The following ANKRD28 variants were observed in gnomAD, a reference collection of about 807,000 sequenced individuals.
ANKRD28 encodes the protein ankyrin repeat domain 28, also known as serine/threonine-protein phosphatase 6 regulatory ankyrin repeat subunit A.
ANKRD28 carries 44 observed loss-of-function variants against 126.5 expected under a neutral mutation model. The observed-to-expected ratio is 0.35, with a 90% CI of 0.27 to 0.45. ANKRD28 has a LOEUF of 0.45. Ranked by LOEUF, ANKRD28 falls within the 20% of genes least tolerant of loss-of-function variation. ANKRD28 has a pLI of 1.00. For missense variants in ANKRD28, 1,110 were observed against 1,316.6 expected, an observed-to-expected ratio of 0.84 and a Z score of 2.43; for synonymous variants, 442 against 468.5, an observed-to-expected ratio of 0.94 and a Z score of 0.73.
chr3:15,714,550 C>CA (rs1250831412), intron 9 of ANKRD28, 28 bp downstream of exon 9: 4 of 1,477,850 alleles, frequency 2.7e-6, no homozygotes, highest in South Asian at 1.3e-5. Flanking sequence ...AAAAAAAACC[C>CA]CAAAAAAAAA....
Position 15,749,095 on chromosome 3 carries a change from G to GTTTTTTTTTTTTTTT in ANKRD28, c.351+2654_351+2655insAAAAAAAAAAAAAAA, listed in dbSNP as rs1357402514. ...ATTTTCCTTTCATATTCTATATTATGTTTTTGTTTTTTTTTTTTTTTTTTT... is the reference window on the plus strand; with the variant it reads ...ATTTTCCTTTCATATTCTATATTATGTTTTTTTTTTTTTTTTTTTTGTTTTTTTTTTTTTTTTTTT... On this transcript the variant is annotated intron_variant, in intron 4 of 27. Transcript: ENST00000683139. Among the ~76,000 whole-genome samples the GTTTTTTTTTTTTTTT allele has an allele frequency of 5.1e-4, 55 of 106,990 alleles. 12 individuals carry two copies. Among genetic ancestry groups the GTTTTTTTTTTTTTTT allele is most frequent in the East Asian group, 4.3e-3 (13 of 3,032 alleles). The allele number at this position is 106,990 out of a possible 152,430, so 70.2% of individuals were successfully genotyped here. A position where few individuals can be genotyped will look rare whatever the true frequency, so the allele number is the denominator to read the frequency against.
intron 21 of ANKRD28, among the ~76,000 whole-genome samples, chr3:15,682,615 T>C (rs1320863230): frequency 1.3e-5 from 2 of 152,224 alleles, no homozygotes; most frequent in Non-Finnish European, 2.9e-5. Flanking sequence ...ACTTTTAGTA[T>C]CTACAGCCAG....
At chr3:15,787,920 T>C (rs1035838889) in intron 2 of ANKRD28, among the ~76,000 whole-genome samples, 3 of 152,200 alleles carry the variant, frequency 2.0e-5, no homozygotes, top group Non-Finnish European at 2.9e-5. Flanking sequence ...TTTTGAATAA[T>C]AAAGTATATC....
intron 7 of ANKRD28, 96 bp downstream of exon 7, chr3:15,724,286 T>A: frequency 9.4e-7 from 1 of 1,067,902 alleles, no homozygotes; most frequent in Non-Finnish European, 1.3e-6. Context: ...AAACATTGTA[T>A]AAAATAATTT....
rs1238069051 is a variant in ANKRD28, at chr3:15,850,190, T to TAAAAAAA, written c.27+9180_27+9186dup. On this transcript the variant is annotated intron_variant, in intron 1 of 27. Transcript: ENST00000399451. ...GGGACAACTGGGTATCTACATGCAA[T>TAAAAAAA]AAAAAAAAAAAAAAATATATATATA... is the stretch of plus-strand genomic sequence containing the variant. Among the ~76,000 whole-genome samples, 43 of 31,924 alleles carry TAAAAAAA rather than the reference T, an allele frequency of 1.3e-3. 2 individuals carry two copies. The highest frequency in any genetic ancestry group is 3.7e-3 in the African/African-American group (41 of 11,090). The allele number at this position is 31,924 out of a possible 152,430, so 20.9% of individuals were successfully genotyped here.
At chr3:15,732,301 C>T (rs1006054466) in intron 6 of ANKRD28, 9 of 152,286 alleles carry the variant, frequency 5.9e-5, no homozygotes, top group Non-Finnish European at 1.2e-4. Context: ...CTGCAGAACA[C>T]AGTTGGGATG....
At chr3:15,766,171 G>A in intron 3 of ANKRD28, 63 bp downstream of exon 3, 2 of 1,296,640 alleles carry the variant, frequency 1.5e-6, no homozygotes, top group Admixed American at 2.1e-5. Context: ...AATTATGATT[G>A]AGAAACATTA....
At chr3:15,730,079 A>C (rs1332942612) in intron 6 of ANKRD28, among the ~76,000 whole-genome samples, 1 of 151,550 alleles carries the variant, frequency 6.6e-6, no homozygotes, top group African/African-American at 2.4e-5. Flanking sequence ...CTGGTCTTCA[A>C]CTCCTGGGCT....
chr3:15,782,943 T>C (rs978642263), intron 2 of ANKRD28, among the ~76,000 whole-genome samples: 1 of 152,058 alleles, frequency 6.6e-6, no homozygotes, highest in Non-Finnish European at 1.5e-5. Flanking sequence ...TGGAAGAAAA[T>C]CCTTTTCAGT....
Position 15,720,853 on chromosome 3 carries a change from CCATTGA to C in ANKRD28, c.996+56_996+61del, listed in dbSNP as rs1448863062. ...CCTTTTTATTGCTCAATGGTATTCACCATTGATGTTGTTTTAACAGTGACATATGAA... is the reference window on the plus strand; with the variant it reads ...CCTTTTTATTGCTCAATGGTATTCACTGTTGTTTTAACAGTGACATATGAA... On this transcript the variant is annotated intron_variant, in intron 8 of 27. Coordinates refer to ENST00000683139, the MANE Select transcript of ANKRD28 (RefSeq NM_001349278.2). 9.0e-6 allele frequency: 13 copies of C among 1,438,300 alleles called. No homozygotes were observed. In the Admixed American group the frequency reaches 2.6e-4, roughly 28 times the overall value. 89.1% of individuals were successfully genotyped at this position (1,438,300 alleles called of 1,614,324 possible).
Position 15,796,392 on chromosome 3 carries a change from T to G in ANKRD28, c.117+13A>C, listed in dbSNP as rs903430110. ...AGTAGAATATAGTAAACATATAAAC[T>G]TACATATCTTACCAATACATTTCCA... On this transcript the variant is annotated intron_variant, in intron 1 of 27. Coordinates refer to ENST00000683139, the MANE Select transcript of ANKRD28 (RefSeq NM_001349278.2). 2.5e-5 allele frequency: 32 copies of G among 1,278,210 alleles called. No individual in the cohort carries two copies. Among genetic ancestry groups the G allele is most frequent in the Non-Finnish European group, 3.1e-5 (30 of 980,296 alleles). The allele number at this position is 1,278,210 out of a possible 1,614,324, so 79.2% of individuals were successfully genotyped here.
At chr3:15,709,806 G>A in intron 12 of ANKRD28, 70 bp from the exon 13 acceptor site, 1 of 1,002,002 alleles carries the variant, frequency 1.0e-6, no homozygotes, top group Non-Finnish European at 1.5e-6. Flanking sequence ...TAGGTTTAAA[G>A]AAGCATGAAA....
In ANKRD28 at chr3:15,797,257, T is replaced by G. The variant is rs949656640; in HGVS notation, c.-736A>C. 1.0e-6 allele frequency: 1 copy of G among 984,026 alleles called. No homozygotes were observed. Among genetic ancestry groups the G allele is most frequent in the African/African-American group, 1.8e-5 (1 of 56,858 alleles). 61.0% of individuals were successfully genotyped at this position (984,026 alleles called of 1,614,324 possible). On this transcript the variant is annotated 5_prime_UTR_variant, in exon 1 of 28. The change abolishes the stop of an existing upstream ORF in the 5' untranslated region. Coordinates refer to ENST00000683139, the MANE Select transcript of ANKRD28 (RefSeq NM_001349278.2). ...ATTAATAGCAAAGCTGCAGTACGTT[T>G]ACATGTGATGAGTCAGACCACAAGA... is the stretch of plus-strand genomic sequence containing the variant.
chr3:15,674,891 A>C (rs1320954046), intron 27 of ANKRD28, among the ~76,000 whole-genome samples: 1 of 152,160 alleles, frequency 6.6e-6, no homozygotes, highest in Non-Finnish European at 1.5e-5. Flanking sequence ...ACACAGTAGA[A>C]GTCATTGGTG....
intron 8 of ANKRD28, among the ~76,000 whole-genome samples, chr3:15,719,785 C>A (rs1446349029): frequency 6.6e-6 from 1 of 151,978 alleles, no homozygotes; most frequent in Non-Finnish European, 1.5e-5. Flanking sequence ...GAACTCCTGG[C>A]CTCAAGTGAT....
intron 1 of ANKRD28, among the ~76,000 whole-genome samples, chr3:15,810,609 C>T (rs561105460): frequency 2.6e-5 from 4 of 151,462 alleles, no homozygotes; most frequent in East Asian, 2.0e-4. Flanking sequence ...ATCTTAATTA[C>T]GTTAAATAGA....
At chr3:15,693,662 G>A (rs2069127745) in intron 17 of ANKRD28, among the ~76,000 whole-genome samples, 1 of 152,070 alleles carries the variant, frequency 6.6e-6, no homozygotes, top group African/African-American at 2.4e-5. Flanking sequence ...TTCATCAATA[G>A]TAAAATGGCT....
chr3:15,707,106 G>T (rs1364226134), intron 14 of ANKRD28, among the ~76,000 whole-genome samples: 1 of 152,082 alleles, frequency 6.6e-6, no homozygotes, highest in Non-Finnish European at 1.5e-5. Context: ...AAATAATTCT[G>T]TTATATGAAG....
At chr3:15,801,574 A>AC (rs2125853876), upstream of ANKRD28, among the ~76,000 whole-genome samples, 1 of 152,290 alleles carries the variant, frequency 6.6e-6, no homozygotes, top group African/African-American at 2.4e-5. This position sits in a 1 kb window ranked among gnomAD's most constrained non-coding sequence, Gnocchi z 4.9. Context: ...AAGAATCCTC[A>AC]CCAATCTTCT....
Sources: allele counts gnomAD v4.1 joint callset (sites outside exome capture counted in the v4.1 genomes callset), GRCh38; gene constraint gnomAD v4.1.1; non-coding constraint Gnocchi (gnomAD v3.1); transcripts MANE v1.5; gene names NCBI Gene and HGNC (gene_info 2026-07-23, HGNC 2026-07-21).